Variants in FGFR2 observed in about 807,000 individuals in gnomAD.
FGFR2 encodes the protein BEK fibroblast growth factor receptor.
A neutral mutation model predicts 95.9 loss-of-function variants in FGFR2; 19 were observed. That is an observed-to-expected ratio of 0.20 (90% confidence interval 0.14 to 0.29). FGFR2 has a LOEUF of 0.29. Ranked by LOEUF, FGFR2 falls within the 10% of genes least tolerant of loss-of-function variation. The pLI is 1.00. For missense variants in FGFR2, 707 were observed against 1,056.9 expected, an observed-to-expected ratio of 0.67 and a Z score of 4.59; for synonymous variants, 392 against 393.3, an observed-to-expected ratio of 1.00 and a Z score of 0.04.
In FGFR2 at chr10:121,592,500, G is replaced by A. The variant is rs556274610; in HGVS notation, c.109+1209C>T. 3.3e-5 allele frequency among the ~76,000 whole-genome samples: 5 copies of A among 152,252 alleles called. No individual in the cohort carries two copies. The South Asian group carries it at 1.0e-3, about 32-fold the overall frequency. ...AACGAAAAGTTCCCCAGTCTCACAC[G>A]ATTGCTTCAGGTGATAAGTGCTTCG... is the stretch of plus-strand genomic sequence containing the variant. On this transcript the variant is annotated intron_variant, in intron 2 of 17. Transcript: ENST00000358487.
intron 2 of FGFR2, among the ~76,000 whole-genome samples, chr10:121,575,839 A>G (rs1859640569): frequency 1.3e-5 from 2 of 150,960 alleles, no homozygotes; most frequent in Admixed American, 1.3e-4. Context: ...CGGGTGACAG[A>G]GCGAGACTTC....
At chr10:121,503,431 G>A (rs1319852444) in intron 10 of FGFR2, among the ~76,000 whole-genome samples, 1 of 152,206 alleles carries the variant, frequency 6.6e-6, no homozygotes, top group Non-Finnish European at 1.5e-5. Flanking sequence ...ACAGAGAACA[G>A]TCTTGTTCTA....
intron 9 of FGFR2, among the ~76,000 whole-genome samples, chr10:121,514,891 T>C (rs567244113): frequency 2.1e-4 from 32 of 152,310 alleles, no homozygotes; most frequent in African/African-American, 6.5e-4. Flanking sequence ...TCTGACAGTA[T>C]TGTCCTTTCT....
intron 1 of FGFR2, among the ~76,000 whole-genome samples, chr10:121,596,842 T>C (rs911165141): frequency 6.6e-6 from 1 of 152,116 alleles, no homozygotes; most frequent in South Asian, 2.1e-4. Context: ...CTCAGAGAAA[T>C]CTGCATTTTA....
chr10:121,520,672 T>G (rs946146478), intron 6 of FGFR2, among the ~76,000 whole-genome samples: 1 of 152,172 alleles, frequency 6.6e-6, no homozygotes, highest in African/African-American at 2.4e-5. Flanking sequence ...AGACGGGGTC[T>G]CACTTCATTG....
intron 6 of FGFR2, chr10:121,526,264 C>A: frequency 5.0e-6 from 2 of 398,596 alleles, no homozygotes. Flanking sequence ...TTTTCTAAAG[C>A]CTGCCTAGCT....
rs1233507123 is a variant in FGFR2 at position 121,551,152 on chromosome 10, G to A, written c.624+138C>T. 32 of 929,034 alleles carry A rather than the reference G, an allele frequency of 3.4e-5. No individual in the cohort carries two copies. The South Asian group carries it at 4.4e-4, about 13-fold the overall frequency. The allele number at this position is 929,034 out of a possible 1,614,324, so 57.5% of individuals were successfully genotyped here. A position where few individuals can be genotyped will look rare whatever the true frequency, so the allele number is the denominator to read the frequency against. On this transcript the variant is annotated intron_variant, in intron 5 of 17. Transcript: ENST00000358487. The stretch of plus-strand genomic sequence containing the variant: ...GGAGAATCGCTTGAACCTGGGAGAT[G>A]GAGGTTGCAGTGAACCGAGATCGCA...
chr10:121,579,212 G>A (rs930808797), intron 2 of FGFR2, among the ~76,000 whole-genome samples: 1 of 152,226 alleles, frequency 6.6e-6, no homozygotes, highest in Non-Finnish European at 1.5e-5. Flanking sequence ...TGCCTAGGAA[G>A]GCCTCTGTAT....
Position 121,518,541 on chromosome 10 carries a change from C to A in FGFR2, c.940-1078G>T. 1 of 927,846 alleles carries A rather than the reference C, an allele frequency of 1.1e-6. No homozygotes were observed. The highest frequency in any genetic ancestry group is 1.6e-6 in the Non-Finnish European group (1 of 625,410). The allele number at this position is 927,846 out of a possible 1,614,324, so 57.5% of individuals were successfully genotyped here. ...TACTGGCATCATACCAGCTGCATCACCGAAGAAAGATTATTATAAATATAC... is the reference window on the plus strand; with the variant it reads ...TACTGGCATCATACCAGCTGCATCAACGAAGAAAGATTATTATAAATATAC... On this transcript the variant is annotated intron_variant, in intron 7 of 17. Transcript: ENST00000358487. The surrounding 1 kb of genome is among the most constrained non-coding windows in gnomAD (Gnocchi z 4.0).
intron 5 of FGFR2, among the ~76,000 whole-genome samples, chr10:121,549,927 G>A (rs955588833): frequency 6.6e-6 from 1 of 152,156 alleles, no homozygotes; most frequent in Non-Finnish European, 1.5e-5. Context: ...GGTAATAAAT[G>A]TTGCTTAAAG....
chr10:121,526,612 G>A (rs1332457032), intron 6 of FGFR2: 5 of 398,036 alleles, frequency 1.3e-5, no homozygotes, highest in East Asian at 3.6e-5. Flanking sequence ...AAAAGGGAAC[G>A]CTATGACGGC....
chr10:121,524,561 C>T (rs550059559), intron 6 of FGFR2, among the ~76,000 whole-genome samples: 2 of 152,196 alleles, frequency 1.3e-5, no homozygotes, highest in East Asian at 1.9e-4. Context: ...CAGCATCTGC[C>T]GAACGCTGCG....
intron 2 of FGFR2, 158 bp from the exon 3 acceptor site, chr10:121,565,862 GA>G: frequency 1.2e-6 from 1 of 805,364 alleles, no homozygotes; most frequent in Non-Finnish European, 2.0e-6. Flanking sequence ...CAAGCCCCAG[GA>G]AGTCAGGAAG....
At position 121,520,187 on chromosome 10, in the gene FGFR2, G is replaced by GA. The variant is rs1257550843; in HGVS notation, c.749-19dup. The GA allele has an allele frequency of 3.7e-6, 6 of 1,608,486 alleles. No individual in the cohort carries two copies. In the African/African-American group the frequency reaches 8.0e-5, roughly 21 times the overall value. Reference sequence around the variant, plus strand: ...CGATCGCTCTGGTGGAGAGAGGGAAGAAAGGAGGAGTGGGGATGGGAGAAT... The same window carrying GA: ...CGATCGCTCTGGTGGAGAGAGGGAAGAAAAGGAGGAGTGGGGATGGGAGAAT... On this transcript the variant is annotated intron_variant, in intron 6 of 17. Coordinates refer to ENST00000358487, the MANE Select transcript of FGFR2 (RefSeq NM_000141.5).
At chr10:121,535,133 G>A (rs541058112) in intron 6 of FGFR2, among the ~76,000 whole-genome samples, 1 of 152,306 alleles carries the variant, frequency 6.6e-6, no homozygotes, top group South Asian at 2.1e-4. Context: ...GATTGGAGCG[G>A]TGCCTCTACA....
intron 4 of FGFR2, among the ~76,000 whole-genome samples, chr10:121,560,001 G>A (rs565217791): frequency 1.1e-4 from 17 of 152,128 alleles, no homozygotes; most frequent in Non-Finnish European, 2.2e-4. Flanking sequence ...AAACCAAGCT[G>A]ACAGAATCTG....
At chr10:121,565,380 C>A (rs2135106667) in intron 3 of FGFR2, 58 bp downstream of exon 3, 1 of 1,608,688 alleles carries the variant, frequency 6.2e-7, no homozygotes, top group African/African-American at 1.3e-5. Flanking sequence ...TTTCACTTGG[C>A]CAAAAAAATG....
chr10:121,577,178 T>TAGAGAGAGAGAGAGAGAGAGAGAG (rs1169688456), intron 2 of FGFR2, among the ~76,000 whole-genome samples: 29 of 5,212 alleles, frequency 5.6e-3, no homozygotes, highest in Non-Finnish European at 5.3e-3. Context: ...TATATATATA[T>TAGAGAGAGAGAGAGAGAGAGAGAG]AGAGAGAGAG....
intron 9 of FGFR2, among the ~76,000 whole-genome samples, chr10:121,509,353 T>A (rs556004561): frequency 2.0e-5 from 3 of 151,980 alleles, no homozygotes; most frequent in Admixed American, 2.0e-4. Context: ...GTGCCATAAG[T>A]CAAGCTTTTA....
Sources: gnomAD v4.1 joint callset for allele counts (sites outside exome capture counted in the v4.1 genomes callset) on GRCh38, gnomAD v4.1.1 for gene constraint, Gnocchi (gnomAD v3.1) non-coding constraint, MANE v1.5 for transcripts, NCBI Gene and HGNC (gene_info 2026-07-23, HGNC 2026-07-21) for gene names.